The following LARGE1 variants were observed in gnomAD, a reference collection of about 807,000 sequenced individuals.
The protein encoded by LARGE1 is LARGE xylosyl- and glucuronyltransferase 1, also known as xylosyl- and glucuronyltransferase LARGE1.
A neutral mutation model predicts 87.6 loss-of-function variants in LARGE1; 43 were observed. The ratio of observed to expected loss-of-function variants is 0.49; its 90% CI spans 0.38 to 0.63. The LOEUF (loss-of-function observed/expected upper bound fraction) is 0.63. Among genes scored for constraint, LARGE1 ranks in the 30% least tolerant of loss-of-function variants. The pLI is 0.00. For missense variants in LARGE1, 802 were observed against 1,000.2 expected (o/e 0.80, Z 2.67); for synonymous variants, 434 against 394.6 (o/e 1.10, Z -1.18).
At chr22:33,069,816 C>CTTT in the LARGE1 span, among the ~76,000 whole-genome samples, 29 of 126,748 alleles carry the variant, frequency 2.3e-4, no homozygotes, top group Middle Eastern at 4.5e-3. Context: ...TTATTACATT[C>CTTT]TTTTTTTTTT....
At chr22:33,686,091 A>T (rs2081934986) in intron 2 of LARGE1, among the ~76,000 whole-genome samples, 1 of 152,210 alleles carries the variant, frequency 6.6e-6, no homozygotes, top group Non-Finnish European at 1.5e-5. Context: ...GCAGCAAGCC[A>T]TGGCAAATTA....
chr22:33,345,472 A>T (rs1273894724), intron 9 of LARGE1, among the ~76,000 whole-genome samples: 1 of 152,168 alleles, frequency 6.6e-6, no homozygotes, highest in Middle Eastern at 3.2e-3. Context: ...TCCCAGATAC[A>T]CAGGCAGAGC....
chr22:33,815,867 C>T lies in LARGE1; in HGVS notation c.-82-54309G>A, dbSNP rs535378869. Reference sequence around the variant, plus strand: ...AGGGTTTGTGGGGAGAGTAAAATCACGAGGAGAGGTGCCGTGGAAGTAAGA... The same window carrying T: ...AGGGTTTGTGGGGAGAGTAAAATCATGAGGAGAGGTGCCGTGGAAGTAAGA... On this transcript the variant is annotated intron_variant, in intron 1 of 14. Coordinates refer to ENST00000397394, the MANE Select transcript of LARGE1 (RefSeq NM_133642.5). Among the ~76,000 whole-genome samples the T allele has an allele frequency of 4.6e-5, 7 of 152,236 alleles. No individual in the cohort carries two copies. In the South Asian group the frequency reaches 8.3e-4, roughly 18 times the overall value.
intron 11 of LARGE1, among the ~76,000 whole-genome samples, chr22:33,223,247 A>G (rs1925547115): frequency 6.6e-6 from 1 of 152,210 alleles, no homozygotes; most frequent in Admixed American, 6.5e-5. Flanking sequence ...AATAAGTCAA[A>G]GGGGCAAGGC....
chr22:33,761,399 C>A lies in LARGE1; in HGVS notation c.78G>T (p.Trp26Cys). The change falls in exon 2 of 15, where the codon TGG (tryptophan) becomes TGT (cysteine). Residue 26 changes from tryptophan (W) to cysteine (C), a missense_variant. By Grantham distance (215) the Trp-to-Cys change is radical (BLOSUM62 -2). Around this residue, in one of 2 missense-constraint regions of LARGE1, gnomAD observed 177 missense variants for 158.3 expected, o/e 1.12. Transcript: ENST00000397394. Reference sequence around the variant, plus strand: ...CGAAGCTCCCAGAAAACAGGTAAATCCAGGTGATGGCTGGGATGCAGAGAA... The same window carrying A: ...CGAAGCTCCCAGAAAACAGGTAAATACAGGTGATGGCTGGGATGCAGAGAA... Reference protein sequence around the residue: ...LSLLCIPAITWIYLFSGSFED... With the variant: ...LSLLCIPAITCIYLFSGSFED... 6.2e-7 allele frequency: 1 copy of A among 1,614,050 alleles called. No individual in the cohort carries two copies. The highest frequency in any genetic ancestry group is 8.5e-7 in the Non-Finnish European group (1 of 1,179,996).
chr22:33,650,851 A>G (rs1277512292), intron 2 of LARGE1, among the ~76,000 whole-genome samples, 183 bp from the exon 3 acceptor site: 1 of 152,206 alleles, frequency 6.6e-6, no homozygotes, highest in Non-Finnish European at 1.5e-5. Flanking sequence ...AAAGTTGAGA[A>G]CAGAACAACT....
chr22:33,381,694 AC>A (rs1722849501), intron 9 of LARGE1, among the ~76,000 whole-genome samples: 1 of 152,154 alleles, frequency 6.6e-6, no homozygotes, highest in Non-Finnish European at 1.5e-5. Flanking sequence ...TAATAACCAC[AC>A]AAGCTGGTTC....
intron 11 of LARGE1, among the ~76,000 whole-genome samples, chr22:33,172,076 A>G (rs1289086369): frequency 1.3e-5 from 2 of 152,246 alleles, no homozygotes; most frequent in East Asian, 3.9e-4. Context: ...ATGGAATCAA[A>G]GGAGATTGTA....
chr22:33,505,881 G>T (rs1479540762), intron 6 of LARGE1, among the ~76,000 whole-genome samples: 1 of 152,078 alleles, frequency 6.6e-6, no homozygotes, highest in Non-Finnish European at 1.5e-5. Flanking sequence ...TGACAACTTT[G>T]CTCTCAGAAT....
intron 1 of LARGE1, among the ~76,000 whole-genome samples, chr22:33,772,025 A>C (rs1569438771): frequency 6.6e-6 from 1 of 152,146 alleles, no homozygotes; most frequent in Non-Finnish European, 1.5e-5. Context: ...AGCCTCATTC[A>C]AACTCCACTT....
At chr22:33,726,477 A>G (rs1049681028) in intron 2 of LARGE1, among the ~76,000 whole-genome samples, 1 of 152,172 alleles carries the variant, frequency 6.6e-6, no homozygotes, top group Admixed American at 6.5e-5. Flanking sequence ...CATTATATAA[A>G]TACTCGTAAA....
intron 6 of LARGE1, among the ~76,000 whole-genome samples, chr22:33,500,025 C>T (rs964526888): frequency 2.0e-5 from 3 of 152,090 alleles, no homozygotes; most frequent in East Asian, 1.9e-4. Context: ...CTGCCTGCCT[C>T]GGCCTCCCAA....
intron 1 of LARGE1, among the ~76,000 whole-genome samples, chr22:33,768,436 TCACACACACACA>T (rs71969164): frequency 1.4e-5 from 2 of 147,464 alleles, no homozygotes; most frequent in Admixed American, 1.3e-4. Flanking sequence ...ACGCGCGCGC[TCACACACACACA>T]CACACACACA....
intron 11 of LARGE1, among the ~76,000 whole-genome samples, chr22:33,175,294 G>A (rs185124360): frequency 4.5e-4 from 68 of 151,978 alleles, no homozygotes; most frequent in Non-Finnish European, 4.4e-5. Context: ...GGCCAGGATG[G>A]AAGGGAAGGG....
rs2084580328 is a variant in LARGE1 at position 33,757,906 on chromosome 22, G to A, written c.106+3465C>T. On this transcript the variant is annotated intron_variant, in intron 2 of 14. Coordinates refer to ENST00000397394, the MANE Select transcript of LARGE1 (RefSeq NM_133642.5). ...AGCTTCATGGAGGCATTGCCTTTGTGTTCTGATAAATACTCAGACTTTCCC... is the reference window on the plus strand; with the variant it reads ...AGCTTCATGGAGGCATTGCCTTTGTATTCTGATAAATACTCAGACTTTCCC... 1.3e-5 allele frequency among the ~76,000 whole-genome samples: 2 copies of A among 152,208 alleles called. 1 individual carries two copies. The highest frequency in any genetic ancestry group is 1.3e-4 in the Admixed American group (2 of 15,286).
At chr22:33,123,091 G>A in the LARGE1 span, among the ~76,000 whole-genome samples, 13 of 152,254 alleles carry the variant, frequency 8.5e-5, no homozygotes, top group African/African-American at 2.4e-4. Context: ...GCTTGTAGGC[G>A]TTCTAGCTGG....
chr22:33,919,380 G>A (rs1916092935), intron 1 of LARGE1, among the ~76,000 whole-genome samples: 1 of 152,176 alleles, frequency 6.6e-6, no homozygotes, highest in African/African-American at 2.4e-5. Context: ...CAAAAGCAGT[G>A]ACATTTACAA....
intron 6 of LARGE1, among the ~76,000 whole-genome samples, chr22:33,473,851 A>G (rs760464123): frequency 1.2e-4 from 18 of 152,240 alleles, no homozygotes; most frequent in Non-Finnish European, 1.9e-4. Context: ...CCATTTTCTC[A>G]GAGTTGCTAA....
intron 13 of LARGE1, 54 bp from the exon 14 acceptor site, chr22:33,277,309 A>C: frequency 6.5e-7 from 1 of 1,544,066 alleles, no homozygotes; most frequent in Non-Finnish European, 8.9e-7. Context: ...CAAGCTCTCC[A>C]AATGCAGCCG....
Sources: allele counts gnomAD v4.1 joint callset (sites outside exome capture counted in the v4.1 genomes callset), GRCh38; gene constraint gnomAD v4.1.1; regional missense constraint gnomAD v4.1.1; transcripts MANE v1.5; gene names NCBI Gene and HGNC (gene_info 2026-07-23, HGNC 2026-07-21).